The following PTPRZ1 variants were observed in gnomAD, a reference collection of about 807,000 sequenced individuals.
PTPRZ1 encodes the protein receptor-type tyrosine-protein phosphatase zeta.
In PTPRZ1, 82 loss-of-function variants were observed where a neutral mutation model predicts 214.1. The ratio of observed to expected loss-of-function variants is 0.38; its 90% CI spans 0.32 to 0.46. The LOEUF is 0.46. PTPRZ1 is among the 20% of genes least tolerant of loss of function. The pLI, the probability that PTPRZ1 is intolerant of heterozygous loss-of-function variation, is 1.00. For synonymous variants in PTPRZ1, 945 were observed against 987.9 expected (o/e 0.96, Z 0.81); for missense variants, 2,603 against 2,748.7 (o/e 0.95, Z 1.19).
chr7:122,015,163 A>G (rs185353396), intron 12 of PTPRZ1, among the ~76,000 whole-genome samples: 1 of 152,290 alleles, frequency 6.6e-6, no homozygotes, highest in East Asian at 1.9e-4. Flanking sequence ...TAATACTTTC[A>G]TTGAATTGGT....
chr7:122,040,165 C>T (rs1799678398), intron 20 of PTPRZ1, among the ~76,000 whole-genome samples: 1 of 151,934 alleles, frequency 6.6e-6, no homozygotes, highest in South Asian at 2.1e-4. Flanking sequence ...CATAGGATGG[C>T]CCTGACACAA....
Position 122,059,903 on chromosome 7 carries a change from A to C in PTPRZ1, c.6807+15A>C, listed in dbSNP as rs1195746863. 6.2e-7 allele frequency: 1 copy of C among 1,603,616 alleles called. No homozygotes were observed. ...TTGCTGACATTGTAAGTAACAAGGC[A>C]GTGAACGAAATTTTTCACTGATAGA... On this transcript the variant is annotated intron_variant, in intron 29 of 29. Transcript: ENST00000393386.
chr7:122,052,117 G>A (rs750889682), intron 25 of PTPRZ1, among the ~76,000 whole-genome samples, 178 bp downstream of exon 25: 5 of 152,178 alleles, frequency 3.3e-5, no homozygotes, highest in Non-Finnish European at 5.9e-5. Context: ...ATGCTTTTAT[G>A]TGTGCTGGGA....
intron 1 of PTPRZ1, among the ~76,000 whole-genome samples, chr7:121,893,934 A>G (rs1422113718): frequency 1.3e-5 from 2 of 152,004 alleles, no homozygotes; most frequent in Non-Finnish European, 2.9e-5. Context: ...TGACTGAGGA[A>G]GTCTAGACTT....
chr7:121,885,540 G>A (rs1794371306), intron 1 of PTPRZ1, among the ~76,000 whole-genome samples: 1 of 152,108 alleles, frequency 6.6e-6, no homozygotes, highest in South Asian at 2.1e-4. Flanking sequence ...ATCCAATGAT[G>A]CCTCTGTCTT....
intron 27 of PTPRZ1, among the ~76,000 whole-genome samples, chr7:122,058,477 T>C (rs1434272758): frequency 6.6e-6 from 1 of 152,144 alleles, no homozygotes; most frequent in Non-Finnish European, 1.5e-5. Flanking sequence ...CTTTTATAAA[T>C]TTGAATTTAG....
chr7:122,026,898 G>A (rs186182083), intron 13 of PTPRZ1, among the ~76,000 whole-genome samples: 2 of 152,186 alleles, frequency 1.3e-5, no homozygotes, highest in East Asian at 1.9e-4. Context: ...AAATGCTTCG[G>A]GGTTACCTCC....
At chr7:121,958,784 C>T (rs913103097) in intron 2 of PTPRZ1, among the ~76,000 whole-genome samples, 1 of 152,094 alleles carries the variant, frequency 6.6e-6, no homozygotes, top group East Asian at 1.9e-4. Context: ...AATAAGAATC[C>T]TCTGGAACAT....
intron 1 of PTPRZ1, among the ~76,000 whole-genome samples, chr7:121,915,084 AT>A (rs1019460496): frequency 9.9e-5 from 15 of 152,176 alleles, no homozygotes; most frequent in African/African-American, 3.6e-4. Context: ...GCACCGCCGT[AT>A]ACTGCACACA....
intron 8 of PTPRZ1, among the ~76,000 whole-genome samples, chr7:121,984,389 C>T (rs1307177139): frequency 1.3e-5 from 2 of 152,010 alleles, no homozygotes; most frequent in Non-Finnish European, 2.9e-5. Context: ...TTCCAGAATA[C>T]ACAGTAATAA....
chr7:121,992,055 T>C (rs1254364699), intron 8 of PTPRZ1, among the ~76,000 whole-genome samples: 2 of 152,238 alleles, frequency 1.3e-5, no homozygotes. Context: ...ATGAGCTGTG[T>C]TATACTGTAC....
At chr7:121,910,057 T>C (rs982497368) in intron 1 of PTPRZ1, among the ~76,000 whole-genome samples, 19 of 152,216 alleles carry the variant, frequency 1.2e-4, no homozygotes, top group Admixed American at 9.2e-4. Flanking sequence ...TCTTCATCTT[T>C]TGAAGCTCAT....
intron 3 of PTPRZ1, 58 bp from the exon 4 acceptor site, chr7:121,972,483 T>A: frequency 6.9e-7 from 1 of 1,447,160 alleles, no homozygotes; most frequent in Non-Finnish European, 9.3e-7. Flanking sequence ...GGAAATTTAG[T>A]TGAAATTTAA....
chr7:121,895,611 A>T (rs1794763465), intron 1 of PTPRZ1, among the ~76,000 whole-genome samples: 1 of 152,224 alleles, frequency 6.6e-6, no homozygotes, highest in Non-Finnish European at 1.5e-5. Context: ...CTACAATTTT[A>T]TGAATCTTCT....
intron 1 of PTPRZ1, among the ~76,000 whole-genome samples, chr7:121,881,765 T>C (rs949480828): frequency 6.6e-5 from 10 of 152,076 alleles, no homozygotes; most frequent in African/African-American, 2.4e-4. Flanking sequence ...TTGGAGTGGG[T>C]CCAAAGATTC....
At chr7:121,936,394 T>C (rs1451310198) in intron 2 of PTPRZ1, among the ~76,000 whole-genome samples, 1 of 152,238 alleles carries the variant, frequency 6.6e-6, no homozygotes, top group Non-Finnish European at 1.5e-5. Context: ...TATCCTGTTA[T>C]CTGTGAATAC....
intron 1 of PTPRZ1, among the ~76,000 whole-genome samples, chr7:121,911,528 C>T (rs1360848592): frequency 1.3e-5 from 2 of 152,076 alleles, no homozygotes. Flanking sequence ...AATAACTTTT[C>T]ATGTCTAATT....
chr7:122,027,877 A>G (rs1363250719), intron 13 of PTPRZ1, among the ~76,000 whole-genome samples: 1 of 152,156 alleles, frequency 6.6e-6, no homozygotes, highest in Non-Finnish European at 1.5e-5. Context: ...ATCTGTTGGG[A>G]AGAAAATCGC....
rs751690107 is a variant in PTPRZ1, at chr7:122,012,680, C to A, written c.3634C>A (p.Pro1212Thr). 6.2e-7 allele frequency: 1 copy of A among 1,612,068 alleles called. No individual in the cohort carries two copies. Among genetic ancestry groups the A allele is most frequent in the Admixed American group, 1.7e-5 (1 of 59,988 alleles). ...VPSDPILVET[P>T]KVDKISSTML... ...CAGTGATCCAATATTGGTTGAAACC[C>A]CCAAAGTTGATAAAATTAGTTCTAC... Residue 1212 changes from proline (P) to threonine (T), a missense_variant, in exon 12 of 30, where the codon CCC becomes ACC. Transcript: ENST00000393386.
Sources: gnomAD v4.1 joint callset for allele counts (sites outside exome capture counted in the v4.1 genomes callset) on GRCh38, gnomAD v4.1.1 for gene constraint, MANE v1.5 for transcripts, NCBI Gene and HGNC (gene_info 2026-07-23, HGNC 2026-07-21) for gene names.